The following OLFM1 variants were observed in gnomAD, a reference collection of about 807,000 sequenced individuals.
The protein encoded by OLFM1 is noelin.
A neutral mutation model predicts 49.7 loss-of-function variants in OLFM1; 9 were observed. The observed-to-expected ratio is 0.18, with a 90% CI of 0.11 to 0.32. The LOEUF (loss-of-function observed/expected upper bound fraction) is 0.32. OLFM1 is among the 10% of genes least tolerant of loss of function. OLFM1 has a pLI of 1.00. For synonymous variants in OLFM1, 240 were observed against 271.8 expected (o/e 0.88, Z 1.15); for missense variants, 369 against 661.8 (o/e 0.56, Z 4.85).
At chr9:135,083,742 C>T (rs1830560921), upstream of OLFM1, among the ~76,000 whole-genome samples, 1 of 152,228 alleles carries the variant, frequency 6.6e-6, no homozygotes, top group African/African-American at 2.4e-5. Flanking sequence ...CTCACATGTC[C>T]TGTCATTCGA....
chr9:135,090,370 TTGTA>T (rs1554752645), intron 2 of OLFM1, 26 bp downstream of exon 2: 2 of 1,459,678 alleles, frequency 1.4e-6, no homozygotes, highest in Non-Finnish European at 1.8e-6. Context: ...GTGTGTGAGT[TTGTA>T]TGTGTGTGTG....
chr9:135,118,387 G>A (rs913935174), intron 5 of OLFM1, among the ~76,000 whole-genome samples: 1,621 of 123,614 alleles, frequency 0.013, 48 homozygotes, highest in African/African-American at 0.045. Flanking sequence ...TGGAGTGCTC[G>A]CTGGGTCTTT....
Position 135,119,804 on chromosome 9 carries a change from A to G in OLFM1, c.1084A>G (p.Ser362Gly). The change falls in exon 6 of 6, where the codon AGC becomes GGC. Residue 362 changes from serine (S) to glycine (G), a missense_variant. Around this residue, in one of 3 missense-constraint regions of OLFM1, gnomAD observed 294 missense variants for 567.5 expected, o/e 0.52. Coordinates refer to ENST00000371793, the MANE Select transcript of OLFM1 (RefSeq NM_001282611.2). ...HSDIDLMVDESGLWAVYATNQ... is the reference protein window; with the variant it reads ...HSDIDLMVDEGGLWAVYATNQ... ...GGACATCGACCTCATGGTGGACGAG[A>G]GCGGGCTGTGGGCCGTGTACGCCAC... The G allele has an allele frequency of 1.2e-6, 2 of 1,613,876 alleles. No homozygotes were observed. Among genetic ancestry groups the G allele is most frequent in the Non-Finnish European group, 1.7e-6 (2 of 1,180,040 alleles).
In OLFM1 at chr9:135,090,349, G is replaced by A. The variant is rs552976553; in HGVS notation, c.300+5G>A. ...CTGAGGCAGCTACTGGAGAAGGTGA[G>A]TCTGCGCAGAGTGTGTGAGTTTGTA... is the stretch of plus-strand genomic sequence containing the variant. On this transcript the variant is annotated splice_donor_5th_base_variant and intron_variant, in intron 2 of 5. Coordinates refer to ENST00000371793, the MANE Select transcript of OLFM1 (RefSeq NM_001282611.2). 6.2e-7 allele frequency: 1 copy of A among 1,611,882 alleles called. No individual in the cohort carries two copies. Among genetic ancestry groups the A allele is most frequent in the East Asian group, 2.2e-5 (1 of 44,784 alleles).
intron 3 of OLFM1, among the ~76,000 whole-genome samples, chr9:135,096,829 T>C (rs655559): frequency 0.41 from 62,176 of 152,022 alleles, 13,338 homozygotes; most frequent in East Asian, 0.58. Flanking sequence ...AAGAGAGAGA[T>C]GCCAGCCTCC....
At chr9:135,097,818 T>C (rs1470258212) in intron 3 of OLFM1, 1 of 1,613,372 alleles carries the variant, frequency 6.2e-7, no homozygotes, top group Non-Finnish European at 8.5e-7. Flanking sequence ...CTGCAGTGAC[T>C]GAAGAAGCAG....
upstream of OLFM1, chr9:135,087,259 C>T (rs1830609697): frequency 2.8e-6 from 4 of 1,450,400 alleles, no homozygotes; most frequent in East Asian, 5.5e-5. Flanking sequence ...CTGGGACCCT[C>T]GAATCACCGC....
At chr9:135,104,240 G>A (rs563682174) in intron 4 of OLFM1, among the ~76,000 whole-genome samples, 3 of 152,340 alleles carry the variant, frequency 2.0e-5, no homozygotes, top group African/African-American at 7.2e-5. Context: ...TGGGTGGGAA[G>A]GTGGGGCTGG....
intron 5 of OLFM1, among the ~76,000 whole-genome samples, chr9:135,108,351 G>A (rs953904976): frequency 6.6e-6 from 1 of 152,182 alleles, no homozygotes; most frequent in African/African-American, 2.4e-5. Context: ...TTAGAAAGCA[G>A]GCCCGGGCAC....
chr9:135,114,628 G>T (rs61018036), intron 5 of OLFM1, among the ~76,000 whole-genome samples: 1 of 150,900 alleles, frequency 6.6e-6, no homozygotes, highest in South Asian at 2.1e-4. Flanking sequence ...GGCAGCTCCC[G>T]CAGGCACAGA....
chr9:135,116,969 T>A (rs979193236), intron 5 of OLFM1, among the ~76,000 whole-genome samples: 5 of 152,012 alleles, frequency 3.3e-5, no homozygotes, highest in Admixed American at 1.3e-4. Flanking sequence ...AATTTTTTTT[T>A]AATTTTTAGC....
intron 5 of OLFM1, among the ~76,000 whole-genome samples, chr9:135,108,105 C>T (rs1218460728): frequency 6.6e-6 from 1 of 152,178 alleles, no homozygotes; most frequent in African/African-American, 2.4e-5. Context: ...AGCCGGGATA[C>T]AATTGGTGTT....
At chr9:135,085,050 A>G (rs7857908), upstream of OLFM1, among the ~76,000 whole-genome samples, 66,105 of 152,060 alleles carry the variant, frequency 0.43, 16,287 homozygotes, top group African/African-American at 0.68. Flanking sequence ...CGGGAGATGC[A>G]GAGGGGGTGT....
At chr9:135,107,955 C>T (rs1830968680) in intron 5 of OLFM1, among the ~76,000 whole-genome samples, 1 of 152,146 alleles carries the variant, frequency 6.6e-6, no homozygotes, top group African/African-American at 2.4e-5. Context: ...GCCTCTGGCA[C>T]ACTCCTTCCT....
intron 1 of OLFM1, chr9:135,075,898 G>A (rs1209514961): frequency 2.1e-5 from 28 of 1,310,872 alleles, no homozygotes; most frequent in Non-Finnish European, 2.6e-5. Context: ...GCTCCGCGCC[G>A]CCCCGCGCCC....
intron 1 of OLFM1, chr9:135,077,365 A>G (rs1830481591): frequency 9.0e-7 from 1 of 1,115,824 alleles, no homozygotes; most frequent in Non-Finnish European, 1.2e-6. Flanking sequence ...CTCCATGCCC[A>G]GGCCAAAAGA....
At chr9:135,076,635 C>A in intron 1 of OLFM1, 1 of 1,136,324 alleles carries the variant, frequency 8.8e-7, no homozygotes, top group Non-Finnish European at 1.2e-6. Flanking sequence ...AGCCGGGCTG[C>A]TTGGGAGTGA....
chr9:135,081,379 C>A (rs571540410), intron 1 of OLFM1, among the ~76,000 whole-genome samples: 1 of 152,202 alleles, frequency 6.6e-6, no homozygotes, highest in Admixed American at 6.5e-5. Context: ...TGGAATGCAC[C>A]ACAGAGCCCA....
intron 2 of OLFM1, among the ~76,000 whole-genome samples, chr9:135,091,547 TCA>T (rs887001177): frequency 1.1e-4 from 10 of 89,828 alleles, no homozygotes; most frequent in African/African-American, 4.1e-4. Flanking sequence ...ACTCACATAG[TCA>T]CACACTCATA....
Sources: allele counts gnomAD v4.1 joint callset (sites outside exome capture counted in the v4.1 genomes callset), GRCh38; gene constraint gnomAD v4.1.1; regional missense constraint gnomAD v4.1.1; transcripts MANE v1.5; gene names NCBI Gene and HGNC (gene_info 2026-07-23, HGNC 2026-07-21).